The following ZNF385B variants were observed in gnomAD, a reference collection of about 807,000 sequenced individuals.
ZNF385B encodes the protein zinc finger protein 385B, also known as zinc finger protein 533.
ZNF385B carries 23 observed loss-of-function variants against 39.2 expected under a neutral mutation model. The observed-to-expected ratio is 0.59, with a 90% CI of 0.42 to 0.83. ZNF385B has a LOEUF of 0.83. Among genes scored for constraint, ZNF385B ranks in the 40% least tolerant of loss-of-function variants. The probability of loss-of-function intolerance (pLI) is 0.00; values close to 1 mark genes in which losing one functional copy is unlikely to be tolerated. For synonymous variants in ZNF385B, 205 were observed against 222.6 expected, an observed-to-expected ratio of 0.92 and a Z score of 0.70; for missense variants, 552 against 598.9, an observed-to-expected ratio of 0.92 and a Z score of 0.82.
chr2:179,751,182 C>T (rs1166146878), intron 3 of ZNF385B, among the ~76,000 whole-genome samples: 1 of 143,018 alleles, frequency 7.0e-6, no homozygotes, highest in Non-Finnish European at 1.5e-5. Flanking sequence ...GCCATGTCTC[C>T]CCTACAGATT....
chr2:179,629,344 GTCAT>G (rs762379176), intron 3 of ZNF385B, among the ~76,000 whole-genome samples: 2 of 152,180 alleles, frequency 1.3e-5, no homozygotes, highest in Non-Finnish European at 1.5e-5. Context: ...TACAGGATCT[GTCAT>G]GGTAAAGTAT....
intron 3 of ZNF385B, among the ~76,000 whole-genome samples, chr2:179,738,865 T>C (rs1015755601): frequency 6.6e-6 from 1 of 152,192 alleles, no homozygotes; most frequent in Non-Finnish European, 1.5e-5. Flanking sequence ...CTTAAGTTAA[T>C]ATTGGCCAGG....
intron 3 of ZNF385B, among the ~76,000 whole-genome samples, chr2:179,580,353 T>C (rs1015127592): frequency 6.6e-6 from 1 of 152,178 alleles, no homozygotes; most frequent in African/African-American, 2.4e-5. Flanking sequence ...TAGAAAACTT[T>C]AGGCAGGTTG....
chr2:179,701,391 A>C (rs1699188753), intron 3 of ZNF385B, among the ~76,000 whole-genome samples: 1 of 152,238 alleles, frequency 6.6e-6, no homozygotes, highest in Admixed American at 6.5e-5. Flanking sequence ...ATAATAACTA[A>C]TGACTACTGA....
chr2:179,727,966 C>T (rs1701126452), intron 3 of ZNF385B, among the ~76,000 whole-genome samples: 1 of 151,960 alleles, frequency 6.6e-6, no homozygotes, highest in African/African-American at 2.4e-5. Context: ...TTGATAATAA[C>T]AAACAATATG....
intron 3 of ZNF385B, among the ~76,000 whole-genome samples, chr2:179,609,947 T>C (rs1408956579): frequency 6.6e-6 from 1 of 152,198 alleles, no homozygotes; most frequent in Non-Finnish European, 1.5e-5. Flanking sequence ...GTTCCATATA[T>C]ATTCTGGTTA....
intron 3 of ZNF385B, among the ~76,000 whole-genome samples, chr2:179,676,455 A>T (rs1696828568): frequency 6.6e-6 from 1 of 152,122 alleles, no homozygotes; most frequent in African/African-American, 2.4e-5. Context: ...CGATCTCCTG[A>T]CCTCGTAATC....
At chr2:179,745,494 A>C (rs1017033498) in intron 3 of ZNF385B, among the ~76,000 whole-genome samples, 1 of 152,338 alleles carries the variant, frequency 6.6e-6, no homozygotes, top group South Asian at 2.1e-4. Context: ...AACAGCTAGC[A>C]CAGAAAGAAA....
At chr2:179,799,828 GT>G (rs1252115892) in intron 1 of ZNF385B, among the ~76,000 whole-genome samples, 5 of 152,108 alleles carry the variant, frequency 3.3e-5, no homozygotes, top group African/African-American at 1.2e-4. Context: ...GTTTTAATTT[GT>G]TTGTTTAAAA....
At chr2:179,809,341 T>C (rs562885330) in intron 1 of ZNF385B, among the ~76,000 whole-genome samples, 7 of 152,196 alleles carry the variant, frequency 4.6e-5, no homozygotes, top group Non-Finnish European at 1.0e-4. Context: ...TTTGTGTTTC[T>C]TGCCATTGAA....
At chr2:179,712,552 T>C (rs182399411) in intron 3 of ZNF385B, among the ~76,000 whole-genome samples, 270 of 152,304 alleles carry the variant, frequency 1.8e-3, no homozygotes, top group Middle Eastern at 0.014. Context: ...GTCTTGAATC[T>C]GTCCCTTTCC....
At chr2:179,521,536 A>C (rs2058507808) in intron 4 of ZNF385B, among the ~76,000 whole-genome samples, 1 of 151,770 alleles carries the variant, frequency 6.6e-6, no homozygotes, top group African/African-American at 2.4e-5. Context: ...TCACATTTGC[A>C]CCACATTGGC....
At chr2:179,778,054 T>C (rs903781641) in intron 1 of ZNF385B, among the ~76,000 whole-genome samples, 1 of 152,150 alleles carries the variant, frequency 6.6e-6, no homozygotes, top group Admixed American at 6.5e-5. Flanking sequence ...TTTTTAATCA[T>C]AGAATTGGGC....
intron 3 of ZNF385B, among the ~76,000 whole-genome samples, chr2:179,728,588 T>C (rs879464591): frequency 3.3e-5 from 5 of 152,180 alleles, no homozygotes; most frequent in Admixed American, 2.0e-4. Flanking sequence ...TTTCCCATAG[T>C]TAATATGTTT....
intron 3 of ZNF385B, among the ~76,000 whole-genome samples, chr2:179,751,955 C>A (rs1308743774): frequency 6.6e-6 from 1 of 151,966 alleles, no homozygotes; most frequent in African/African-American, 2.4e-5. Flanking sequence ...TATTATTATA[C>A]TTTAAGTTCT....
chr2:179,722,383 T>C (rs1272272261), intron 3 of ZNF385B, among the ~76,000 whole-genome samples: 1 of 152,046 alleles, frequency 6.6e-6, no homozygotes, highest in Non-Finnish European at 1.5e-5. Flanking sequence ...TATTATGACA[T>C]TGGTGTAGAG....
Position 179,537,766 on chromosome 2 carries a change from C to CA in ZNF385B, c.441+7060dup, listed in dbSNP as rs151220146. Among the ~76,000 whole-genome samples, 92 of 130,506 alleles carry CA rather than the reference C, an allele frequency of 7.0e-4. 3 individuals are homozygous for CA. Among genetic ancestry groups the CA allele is most frequent in the Middle Eastern group, 4.4e-3 (1 of 226 alleles). 85.6% of individuals were successfully genotyped at this position (130,506 alleles called of 152,430 possible). On this transcript the variant is annotated intron_variant, in intron 4 of 9. Coordinates refer to ENST00000410066, the MANE Select transcript of ZNF385B (RefSeq NM_152520.6). ...AAAAACAAACAAACAAACAAACAAACAAAAAAAAAAATTAATAGAAATGTA... is the reference window on the plus strand; with the variant it reads ...AAAAACAAACAAACAAACAAACAAACAAAAAAAAAAAATTAATAGAAATGTA...
At chr2:179,813,469 A>G (rs1294371590) in intron 1 of ZNF385B, among the ~76,000 whole-genome samples, 1 of 152,218 alleles carries the variant, frequency 6.6e-6, no homozygotes, top group Non-Finnish European at 1.5e-5. Flanking sequence ...TGACAGACAA[A>G]TGGTTGACAA....
At chr2:179,609,411 C>T (rs748190160) in intron 3 of ZNF385B, among the ~76,000 whole-genome samples, 1 of 152,180 alleles carries the variant, frequency 6.6e-6, no homozygotes, top group Non-Finnish European at 1.5e-5. Context: ...TCATTCTTTT[C>T]TATGACTGAT....
Sources: gnomAD v4.1 joint callset for allele counts (sites outside exome capture counted in the v4.1 genomes callset) on GRCh38, gnomAD v4.1.1 for gene constraint, MANE v1.5 for transcripts, NCBI Gene and HGNC (gene_info 2026-07-23, HGNC 2026-07-21) for gene names.